NHSL1: variants seen among roughly 807,000 people sequenced by gnomAD.
NHSL1 encodes NHS-like protein 1.
Under a neutral mutation model 95.0 loss-of-function variants are expected in NHSL1, and 48 were observed. That is an observed-to-expected ratio of 0.51 (90% CI 0.40 to 0.64). The LOEUF is 0.64. Ranked by LOEUF, NHSL1 falls within the 30% of genes least tolerant of loss-of-function variation. The pLI is 0.00. For missense variants in NHSL1, 1,971 were observed against 2,077.7 expected (o/e 0.95, Z 1.00); for synonymous variants, 783 against 833.9 (o/e 0.94, Z 1.05).
chr6:138,684,045 T>C (rs1785548298), intron 1 of NHSL1, among the ~76,000 whole-genome samples: 1 of 151,712 alleles, frequency 6.6e-6, no homozygotes, highest in African/African-American at 2.4e-5. Flanking sequence ...ACCCCATCTC[T>C]ACTAAAAATA....
intron 1 of NHSL1, among the ~76,000 whole-genome samples, chr6:138,510,050 C>G (rs1415457406): frequency 6.6e-6 from 1 of 152,152 alleles, no homozygotes; most frequent in Non-Finnish European, 1.5e-5. Flanking sequence ...GAAGGCAAAT[C>G]AGATTTATCA....
Position 138,561,851 on chromosome 6 carries a change from C to A in NHSL1, c.202+9859G>T, listed in dbSNP as rs181094858. On this transcript the variant is annotated intron_variant, in intron 1 of 6. Coordinates refer to the NHSL1 transcript ENST00000427025. ...ACAACTGCTTGCCTAGGCAAGCATT[C>A]ACCATTTCTCTTACAGCCTAAATAT... 5.4e-4 allele frequency among the ~76,000 whole-genome samples: 83 copies of A among 152,358 alleles called. 2 individuals carry two copies. In the South Asian group the frequency reaches 9.1e-3, roughly 17 times the overall value.
intron 1 of NHSL1, among the ~76,000 whole-genome samples, chr6:138,655,304 G>C (rs745864980): frequency 2.6e-5 from 4 of 152,192 alleles, no homozygotes; most frequent in Non-Finnish European, 5.9e-5. Context: ...CGCAGGACTT[G>C]TAGAAATGTT....
At chr6:138,575,710 T>C (rs929258549), upstream of NHSL1, among the ~76,000 whole-genome samples, 4 of 152,334 alleles carry the variant, frequency 2.6e-5, no homozygotes, top group African/African-American at 7.2e-5. Flanking sequence ...ATCTTAACTA[T>C]GCATATTAGA....
chr6:138,424,624 C>A lies in NHSL1; in HGVS notation c.4278G>T (p.Lys1426Asn). ...GGGCGCTGGTGTCTGAACGACTGCCCTTTTTCAGCAGCAGAGCTTTGAAGT... is the reference window on the plus strand; with the variant it reads ...GGGCGCTGGTGTCTGAACGACTGCCATTTTTCAGCAGCAGAGCTTTGAAGT... ...SDNFKALLLKKGSRSDTSARM... is the reference protein window; with the variant it reads ...SDNFKALLLKNGSRSDTSARM... Residue 1426 changes from lysine to asparagine, a missense_variant, in exon 8 of 8, where the codon AAG (lysine) becomes AAT (asparagine). Lys to Asn is a moderately conservative substitution (Grantham distance 94). Coordinates refer to ENST00000343505, the MANE Select transcript of NHSL1 (RefSeq NM_001144060.2). The surrounding 1 kb of genome is among the most constrained non-coding windows in gnomAD (Gnocchi z 5.9). 1 of 1,551,556 alleles carries A rather than the reference C, an allele frequency of 6.4e-7. No individual in the cohort carries two copies.
chr6:138,547,771 C>T (rs1032844653), upstream of NHSL1, among the ~76,000 whole-genome samples: 8 of 152,306 alleles, frequency 5.3e-5, no homozygotes, highest in African/African-American at 1.9e-4. Context: ...ACCTAACAAA[C>T]AAGATCAAAA....
intron 1 of NHSL1, among the ~76,000 whole-genome samples, chr6:138,590,983 C>T (rs1424195165): frequency 1.3e-5 from 2 of 152,134 alleles, no homozygotes; most frequent in African/African-American, 4.8e-5. Flanking sequence ...GGTTCTAATC[C>T]TGATTTCAGC....
intron 1 of NHSL1, among the ~76,000 whole-genome samples, chr6:138,595,702 A>C (rs1784294139): frequency 6.6e-6 from 1 of 152,242 alleles, no homozygotes. Context: ...GAATTTTTTT[A>C]ATCAGCAGAA....
intron 1 of NHSL1, among the ~76,000 whole-genome samples, chr6:138,607,855 C>A (rs916157231): frequency 2.6e-4 from 39 of 152,172 alleles, no homozygotes; most frequent in Admixed American, 2.4e-3. Flanking sequence ...GAAACAGAAT[C>A]AAAAGTTTCA....
chr6:138,603,934 A>G (rs1222203259), intron 1 of NHSL1, among the ~76,000 whole-genome samples: 6 of 152,236 alleles, frequency 3.9e-5, no homozygotes, highest in Non-Finnish European at 8.8e-5. Context: ...AACACCACAC[A>G]GACTCTGAAT....
chr6:138,645,731 T>A (rs1467293735), intron 1 of NHSL1, among the ~76,000 whole-genome samples: 1 of 151,944 alleles, frequency 6.6e-6, no homozygotes, highest in Non-Finnish European at 1.5e-5. Flanking sequence ...TACTCTTGAT[T>A]TCCTGACCTT....
At chr6:138,692,842 A>C (rs1785701253), upstream of NHSL1, among the ~76,000 whole-genome samples, 1 of 147,752 alleles carries the variant, frequency 6.8e-6, no homozygotes, top group African/African-American at 2.5e-5. The surrounding 1 kb of genome is among the most constrained non-coding windows in gnomAD (Gnocchi z 4.0). Flanking sequence ...ATCCAACACA[A>C]AGGAAGTCCC....
intron 1 of NHSL1, among the ~76,000 whole-genome samples, chr6:138,675,777 A>G (rs1224276273): frequency 6.6e-6 from 1 of 152,068 alleles, no homozygotes; most frequent in East Asian, 1.9e-4. Flanking sequence ...CAGGTGATTC[A>G]CCTGCTTTGG....
At chr6:138,630,642 C>T (rs1784807117) in intron 1 of NHSL1, among the ~76,000 whole-genome samples, 1 of 152,162 alleles carries the variant, frequency 6.6e-6, no homozygotes, top group Non-Finnish European at 1.5e-5. Context: ...GTGTTGGCCT[C>T]CCAAAATGCT....
chr6:138,559,238 A>G (rs1783320628), intron 1 of NHSL1, among the ~76,000 whole-genome samples: 1 of 152,250 alleles, frequency 6.6e-6, no homozygotes, highest in Admixed American at 6.5e-5. Context: ...AGAGAAATCT[A>G]CAGGATCAGG....
chr6:138,467,035 A>G (rs994369891), intron 3 of NHSL1, among the ~76,000 whole-genome samples: 4 of 152,246 alleles, frequency 2.6e-5, no homozygotes, highest in African/African-American at 9.6e-5. Flanking sequence ...CAAAACCAAC[A>G]AAAAAACAAA....
intron 1 of NHSL1, among the ~76,000 whole-genome samples, chr6:138,673,689 ATTG>A (rs1459662851): frequency 6.6e-6 from 1 of 152,222 alleles, no homozygotes; most frequent in East Asian, 1.9e-4. Flanking sequence ...TGGAACATAA[ATTG>A]TTAAGACATG....
At chr6:138,477,621 TA>T (rs1779157907) in intron 2 of NHSL1, among the ~76,000 whole-genome samples, 1 of 152,074 alleles carries the variant, frequency 6.6e-6, no homozygotes, top group Non-Finnish European at 1.5e-5. Flanking sequence ...ATAATAATAG[TA>T]AAATGACTAA....
At chr6:138,534,421 A>T (rs1050785561) in intron 1 of NHSL1, among the ~76,000 whole-genome samples, 1 of 152,146 alleles carries the variant, frequency 6.6e-6, no homozygotes, top group Non-Finnish European at 1.5e-5. Flanking sequence ...GTTGGATCCT[A>T]CTCTCCATTT....
Sources: allele counts gnomAD v4.1 joint callset (sites outside exome capture counted in the v4.1 genomes callset), GRCh38; gene constraint gnomAD v4.1.1; non-coding constraint Gnocchi (gnomAD v3.1); transcripts MANE v1.5; gene names NCBI Gene and HGNC (gene_info 2026-07-23, HGNC 2026-07-21).